Variants in SPOCK3 observed in about 807,000 individuals in gnomAD.
SPOCK3 encodes testican-3.
Under a neutral mutation model 56.6 loss-of-function variants are expected in SPOCK3, and 30 were observed. That is an observed-to-expected ratio of 0.53 (90% CI 0.40 to 0.72). The LOEUF (loss-of-function observed/expected upper bound fraction) is 0.72, where lower values mean the gene tolerates loss of function less well. Ranked by LOEUF, SPOCK3 falls within the 30% of genes least tolerant of loss-of-function variation. The pLI is 0.00. For missense variants in SPOCK3, 527 were observed against 530.0 expected (o/e 0.99, Z 0.06); for synonymous variants, 196 against 183.3 (o/e 1.07, Z -0.56).
chr4:166,767,501 G>C (rs1738258538), intron 7 of SPOCK3, among the ~76,000 whole-genome samples: 2 of 152,098 alleles, frequency 1.3e-5, no homozygotes, highest in South Asian at 4.2e-4. Context: ...GAGTGGTTTT[G>C]AGTGAGTTTC....
At chr4:166,748,546 T>G (rs1735948192) in intron 8 of SPOCK3, among the ~76,000 whole-genome samples, 1 of 136,600 alleles carries the variant, frequency 7.3e-6, no homozygotes, top group Admixed American at 7.0e-5. Context: ...GAAGAAAACC[T>G]AGGCAATACC....
chr4:167,090,433 CT>C (rs988351454), intron 2 of SPOCK3, among the ~76,000 whole-genome samples: 1 of 151,828 alleles, frequency 6.6e-6, no homozygotes, highest in Non-Finnish European at 1.5e-5. Context: ...TTTATGCCCT[CT>C]TTGGTGAAGT....
intron 6 of SPOCK3, among the ~76,000 whole-genome samples, chr4:166,878,452 T>G (rs1733332261): frequency 1.3e-5 from 2 of 151,982 alleles, no homozygotes; most frequent in Non-Finnish European, 2.9e-5. Context: ...CATAGGCCAA[T>G]AAATTTTTAA....
intron 2 of SPOCK3, among the ~76,000 whole-genome samples, chr4:167,202,367 CATGAG>C (rs1733600799): frequency 6.6e-6 from 1 of 151,786 alleles, no homozygotes; most frequent in Non-Finnish European, 1.5e-5. Flanking sequence ...TTTATATAGA[CATGAG>C]AGAAAGAAAA....
chr4:166,808,639 C>T (rs1047729701), intron 6 of SPOCK3, among the ~76,000 whole-genome samples: 1 of 152,088 alleles, frequency 6.6e-6, no homozygotes, highest in Admixed American at 6.6e-5. Flanking sequence ...TTTATTATGG[C>T]AGCCTGAGCT....
At chr4:166,784,510 G>A (rs1740529139) in intron 7 of SPOCK3, among the ~76,000 whole-genome samples, 1 of 151,938 alleles carries the variant, frequency 6.6e-6, no homozygotes, top group Non-Finnish European at 1.5e-5. Context: ...TCAATAATTA[G>A]AACCAAAATA....
chr4:166,842,972 G>A (rs956082385), intron 6 of SPOCK3, among the ~76,000 whole-genome samples: 7 of 152,336 alleles, frequency 4.6e-5, no homozygotes, highest in East Asian at 3.9e-4. Flanking sequence ...CCTGCCCCGC[G>A]GGGAGGCAGC....
chr4:166,986,046 C>G (rs886459702), intron 4 of SPOCK3, among the ~76,000 whole-genome samples: 1 of 152,124 alleles, frequency 6.6e-6, no homozygotes, highest in South Asian at 2.1e-4. Context: ...CTTAACTCTT[C>G]TAAATTTTCC....
At chr4:167,101,012 T>G (rs531140763) in intron 2 of SPOCK3, among the ~76,000 whole-genome samples, 1 of 152,162 alleles carries the variant, frequency 6.6e-6, no homozygotes, top group Non-Finnish European at 1.5e-5. Flanking sequence ...TTGAAACTCA[T>G]GGTCAGTTTT....
At chr4:167,062,466 T>A (rs1160848228) in intron 3 of SPOCK3, 26 bp downstream of exon 3, 1 of 1,548,154 alleles carries the variant, frequency 6.5e-7, no homozygotes, top group Non-Finnish European at 8.9e-7. Flanking sequence ...GTAAAGGTTT[T>A]TATTTTAAAA....
intron 2 of SPOCK3, among the ~76,000 whole-genome samples, chr4:167,153,160 A>C (rs2150420317): frequency 6.6e-6 from 1 of 152,326 alleles, no homozygotes; most frequent in East Asian, 1.9e-4. Context: ...TTACCACCAC[A>C]TATGGTTAGT....
chr4:167,139,820 C>G (rs948940316), intron 2 of SPOCK3, among the ~76,000 whole-genome samples: 5 of 152,050 alleles, frequency 3.3e-5, no homozygotes, highest in Non-Finnish European at 7.4e-5. Context: ...AGTACTCTAA[C>G]TTAGCTGTGG....
chr4:166,888,912 T>C (rs1734475553), intron 6 of SPOCK3, among the ~76,000 whole-genome samples: 1 of 152,014 alleles, frequency 6.6e-6, no homozygotes, highest in Non-Finnish European at 1.5e-5. Flanking sequence ...GAAAGAAGTA[T>C]CTAGTTATTA....
At chr4:167,163,895 A>T (rs1765533174) in intron 2 of SPOCK3, among the ~76,000 whole-genome samples, 1 of 152,118 alleles carries the variant, frequency 6.6e-6, no homozygotes, top group African/African-American at 2.4e-5. Flanking sequence ...AAGAGTTATG[A>T]TGTTTTTATG....
chr4:166,980,389 T>C (rs1746437972), intron 4 of SPOCK3, among the ~76,000 whole-genome samples: 1 of 152,248 alleles, frequency 6.6e-6, no homozygotes, highest in African/African-American at 2.4e-5. Context: ...ATTATGTCAA[T>C]TGAGAGCTCA....
At chr4:166,953,665 T>G (rs1214759309) in intron 4 of SPOCK3, among the ~76,000 whole-genome samples, 4 of 152,134 alleles carry the variant, frequency 2.6e-5, no homozygotes, top group Non-Finnish European at 4.4e-5. Flanking sequence ...ATTCACAATA[T>G]GAAAGACTTG....
chr4:166,851,463 A>T (rs1444149014), intron 6 of SPOCK3, among the ~76,000 whole-genome samples: 1 of 152,256 alleles, frequency 6.6e-6, no homozygotes, highest in Non-Finnish European at 1.5e-5. Context: ...ACAAAGCTGG[A>T]CGGAGAATGA....
At chr4:167,187,618 T>C (rs1038428577) in intron 2 of SPOCK3, among the ~76,000 whole-genome samples, 1 of 152,088 alleles carries the variant, frequency 6.6e-6, no homozygotes, top group Non-Finnish European at 1.5e-5. Context: ...GTTTAATTTT[T>C]TTTCTTGGTC....
chr4:167,162,621 C>T (rs1477547082), intron 2 of SPOCK3, among the ~76,000 whole-genome samples: 2 of 152,040 alleles, frequency 1.3e-5, no homozygotes, highest in African/African-American at 4.8e-5. Flanking sequence ...TATTACCTAT[C>T]ACCTTTTAAT....
Sources: gnomAD v4.1 joint callset for allele counts (sites outside exome capture counted in the v4.1 genomes callset) on GRCh38, gnomAD v4.1.1 for gene constraint, MANE v1.5 for transcripts, NCBI Gene and HGNC (gene_info 2026-07-23, HGNC 2026-07-21) for gene names.